The following SLC25A48 variants were observed in gnomAD, a reference collection of about 807,000 sequenced individuals.
SLC25A48 encodes the protein CTC-321K16.1.
In SLC25A48, 29 loss-of-function variants were observed where a neutral mutation model predicts 32.2. That is an observed-to-expected ratio of 0.90 (90% CI 0.67 to 1.23). SLC25A48 has a LOEUF of 1.23. Ranked by LOEUF, SLC25A48 falls within the 50% of genes most tolerant of loss-of-function variation. SLC25A48 has a pLI of 0.00. For synonymous variants in SLC25A48, 164 were observed against 172.3 expected (o/e 0.95, Z 0.38); for missense variants, 399 against 422.7 (o/e 0.94, Z 0.49).
At chr5:135,694,979 G>A (rs761434253) in intron 3 of SLC25A48, among the ~76,000 whole-genome samples, 1 of 152,148 alleles carries the variant, frequency 6.6e-6, no homozygotes. Context: ...ATACAGGCTG[G>A]GCATGAGCCA....
intron 3 of SLC25A48, among the ~76,000 whole-genome samples, chr5:135,808,728 A>G (rs1387683181): frequency 6.6e-6 from 1 of 152,138 alleles, no homozygotes; most frequent in African/African-American, 2.4e-5. Flanking sequence ...TTGTACATGT[A>G]AAGCACAAGA....
chr5:135,762,568 T>C (rs1000822924), intron 3 of SLC25A48, among the ~76,000 whole-genome samples: 2 of 152,128 alleles, frequency 1.3e-5, no homozygotes, highest in Admixed American at 6.5e-5. Context: ...ATATGCTATA[T>C]GGGTATATTA....
At position 135,764,753 on chromosome 5, in the gene SLC25A48, C is replaced by T. The variant is rs114899086; in HGVS notation, c.-520-47770C>T. ...CTCCATATCACGGGGGGTGCACACC[C>T]CACCTGTGATATGGTTCATAATATC... On this transcript the variant is annotated intron_variant, in intron 3 of 10. Coordinates refer to the SLC25A48 transcript ENST00000646290. Among the ~76,000 whole-genome samples, 969 of 149,584 alleles carry T rather than the reference C, an allele frequency of 6.5e-3. 9 individuals are homozygous for T. Among genetic ancestry groups the T allele is most frequent in the Middle Eastern group, 0.011 (3 of 280 alleles).
At chr5:135,598,077 A>C (rs1000170327) in intron 1 of SLC25A48, among the ~76,000 whole-genome samples, 12 of 152,164 alleles carry the variant, frequency 7.9e-5, no homozygotes, top group Non-Finnish European at 1.5e-5. Context: ...AGGAGAGTAG[A>C]ATGGAGATGG....
At chr5:135,757,121 G>C (rs1056549356) in intron 3 of SLC25A48, among the ~76,000 whole-genome samples, 1 of 149,930 alleles carries the variant, frequency 6.7e-6, no homozygotes, top group African/African-American at 2.4e-5. Context: ...TTTTAACACA[G>C]TGTTAACACA....
chr5:135,668,002 G>A (rs1466383873), intron 3 of SLC25A48, among the ~76,000 whole-genome samples: 2 of 152,072 alleles, frequency 1.3e-5, no homozygotes, highest in African/African-American at 2.4e-5. Flanking sequence ...AAATTTCTGG[G>A]GTGTGAAGAC....
At chr5:135,886,639 A>AT (rs1762735567) in intron 7 of SLC25A48, among the ~76,000 whole-genome samples, 1 of 76,596 alleles carries the variant, frequency 1.3e-5, no homozygotes, top group African/African-American at 4.7e-5. Context: ...ATATATATAA[A>AT]ATATATATAT....
chr5:135,809,314 G>A (rs1178872264), intron 3 of SLC25A48, among the ~76,000 whole-genome samples: 2 of 151,932 alleles, frequency 1.3e-5, no homozygotes, highest in African/African-American at 2.4e-5. Context: ...ACCAAAAATT[G>A]TTATAGAATA....
At chr5:135,723,380 T>TCACA (rs138387748) in intron 3 of SLC25A48, among the ~76,000 whole-genome samples, 1,302 of 111,716 alleles carry the variant, frequency 0.012, 10 homozygotes, top group African/African-American at 0.031. Context: ...TCTCTCTCTC[T>TCACA]CACACACACA....
At chr5:135,583,503 C>T (rs990710859) in intron 1 of SLC25A48, among the ~76,000 whole-genome samples, 10 of 151,838 alleles carry the variant, frequency 6.6e-5, no homozygotes, top group Non-Finnish European at 1.3e-4. Context: ...TTTTTACTTC[C>T]CTGGCAGGAC....
At chr5:135,642,092 A>G (rs1203977803) in intron 3 of SLC25A48, among the ~76,000 whole-genome samples, 1 of 152,202 alleles carries the variant, frequency 6.6e-6, no homozygotes, top group Non-Finnish European at 1.5e-5. Context: ...TGCCAAACCT[A>G]CTGGGAAGTT....
chr5:135,712,224 A>T (rs1188182760), intron 3 of SLC25A48, among the ~76,000 whole-genome samples: 1 of 152,206 alleles, frequency 6.6e-6, no homozygotes, highest in African/African-American at 2.4e-5. Flanking sequence ...CATTCTTCAC[A>T]TGGAAAATTC....
chr5:135,735,098 G>C (rs1001212621), intron 3 of SLC25A48, among the ~76,000 whole-genome samples: 2 of 152,206 alleles, frequency 1.3e-5, no homozygotes, highest in African/African-American at 4.8e-5. Flanking sequence ...CCAGGCTGAG[G>C]GCATTCCTTG....
intron 3 of SLC25A48, among the ~76,000 whole-genome samples, chr5:135,804,047 C>G (rs1164158918): frequency 6.6e-6 from 1 of 151,474 alleles, no homozygotes; most frequent in Admixed American, 6.6e-5. Flanking sequence ...TCATATCTCC[C>G]TAAAATATTA....
chr5:135,815,413 T>G lies in SLC25A48; in HGVS notation c.-117+2487T>G, dbSNP rs185428737. 3.8e-3 allele frequency among the ~76,000 whole-genome samples: 585 copies of G among 152,276 alleles called. 1 individual carries two copies. Among genetic ancestry groups the G allele is most frequent in the African/African-American group, 0.012 (517 of 41,564 alleles). ...AATGTTCTCTTGCCAGCTGCTCACC[T>G]CCTGCTGTGTGGCCTGGTTCCTAAA... is the stretch of plus-strand genomic sequence containing the variant. On this transcript the variant is annotated intron_variant, in intron 4 of 10. Transcript: ENST00000646290.
At chr5:135,786,822 G>A (rs1439926401) in intron 3 of SLC25A48, among the ~76,000 whole-genome samples, 2 of 152,042 alleles carry the variant, frequency 1.3e-5, no homozygotes, top group East Asian at 1.9e-4. Context: ...CACAGTGGGT[G>A]TACACCATGT....
At chr5:135,839,922 C>A (rs984832120) in intron 1 of SLC25A48, among the ~76,000 whole-genome samples, 18 of 152,180 alleles carry the variant, frequency 1.2e-4, no homozygotes, top group African/African-American at 4.1e-4. Context: ...CACCTTCCAC[C>A]ATGATTGTGT....
At chr5:135,822,984 C>A (rs1191806151) in intron 4 of SLC25A48, among the ~76,000 whole-genome samples, 1 of 152,084 alleles carries the variant, frequency 6.6e-6, no homozygotes, top group Non-Finnish European at 1.5e-5. Context: ...GGGCCTGGTT[C>A]CTGCTCACCA....
In SLC25A48 at chr5:135,790,998, G is replaced by A. The variant is rs951706620; in HGVS notation, c.-520-21525G>A. ...TGATATTATTTGTATAATTACGGGGGGGGTGTTACTTCTAATGTCACAGTG... is the reference window on the plus strand; with the variant it reads ...TGATATTATTTGTATAATTACGGGGAGGGTGTTACTTCTAATGTCACAGTG... On this transcript the variant is annotated intron_variant, in intron 3 of 10. Coordinates refer to the SLC25A48 transcript ENST00000646290. 2.0e-5 allele frequency among the ~76,000 whole-genome samples: 3 copies of A among 149,834 alleles called. No individual in the cohort carries two copies. The East Asian group carries it at 5.8e-4, about 29-fold the overall frequency.
Sources: gnomAD v4.1 joint callset for allele counts (sites outside exome capture counted in the v4.1 genomes callset) on GRCh38, gnomAD v4.1.1 for gene constraint, MANE v1.5 for transcripts, NCBI Gene and HGNC (gene_info 2026-07-23, HGNC 2026-07-21) for gene names.